GRM1: variants seen among roughly 807,000 people sequenced by gnomAD.
GRM1 encodes metabotropic glutamate receptor 1.
In GRM1, 33 loss-of-function variants were observed where a neutral mutation model predicts 90.9. That is an observed-to-expected ratio of 0.36 (90% CI 0.28 to 0.49). GRM1 has a LOEUF of 0.49. Ranked by LOEUF, GRM1 falls within the 20% of genes least tolerant of loss-of-function variation. The probability of loss-of-function intolerance (pLI) is 0.99; values close to 1 mark genes in which losing one functional copy is unlikely to be tolerated. For missense variants in GRM1, 1,190 were observed against 1,534.3 expected, an observed-to-expected ratio of 0.78 and a Z score of 3.75; for synonymous variants, 700 against 613.2, an observed-to-expected ratio of 1.14 and a Z score of -2.09.
intron 2 of GRM1, among the ~76,000 whole-genome samples, chr6:146,165,976 C>T (rs565145604): frequency 6.6e-6 from 1 of 152,144 alleles, no homozygotes; most frequent in South Asian, 2.1e-4. Context: ...ATGGTCTTTA[C>T]CTGCCTTTAG....
At chr6:146,422,447 AT>A (rs1469057000) in intron 7 of GRM1, among the ~76,000 whole-genome samples, 1 of 152,136 alleles carries the variant, frequency 6.6e-6, no homozygotes, top group Non-Finnish European at 1.5e-5. Flanking sequence ...CTGTGTCTTT[AT>A]TTTTCCATCC....
In GRM1 at chr6:146,301,481, A is replaced by C. The variant is rs569313446; in HGVS notation, c.951-3130A>C. Among the ~76,000 whole-genome samples the C allele has an allele frequency of 2.0e-5, 3 of 152,340 alleles. No homozygotes were observed. In the South Asian group the frequency reaches 6.2e-4, roughly 32 times the overall value. On this transcript the variant is annotated intron_variant, in intron 2 of 7. Coordinates refer to ENST00000282753, the MANE Select transcript of GRM1 (RefSeq NM_001278064.2). ...AAGCTGTCATGTGCTTTTAAATTGC[A>C]CATGAACATCACAGCAAGTTCATTT...
chr6:146,421,994 A>T (rs1778012142), intron 7 of GRM1, among the ~76,000 whole-genome samples: 1 of 152,200 alleles, frequency 6.6e-6, no homozygotes, highest in Admixed American at 6.5e-5. Context: ...AACAACATAA[A>T]ATAGACTGTA....
intron 1 of GRM1, among the ~76,000 whole-genome samples, chr6:146,121,508 A>G (rs1775988860): frequency 1.3e-5 from 2 of 151,880 alleles, no homozygotes; most frequent in African/African-American, 4.8e-5. Context: ...TTGCTTCTCT[A>G]GTTCTTTAAT....
rs151144612 is a variant in GRM1, at chr6:146,322,506, C to T, written c.1186+17660C>T. ...AAGCTGGACCCACAAGCTCCCCTTCCCTGAGGTGCTCTGTCCCAGGGAGAT... is the reference window on the plus strand; with the variant it reads ...AAGCTGGACCCACAAGCTCCCCTTCTCTGAGGTGCTCTGTCCCAGGGAGAT... On this transcript the variant is annotated intron_variant, in intron 3 of 7. Coordinates refer to ENST00000282753, the MANE Select transcript of GRM1 (RefSeq NM_001278064.2). Among the ~76,000 whole-genome samples the T allele has an allele frequency of 3.7e-3, 563 of 152,302 alleles. 3 individuals are homozygous for T. Among genetic ancestry groups the T allele is most frequent in the Non-Finnish European group, 5.5e-3 (375 of 68,030 alleles).
intron 2 of GRM1, among the ~76,000 whole-genome samples, chr6:146,301,928 A>G (rs1479989674): frequency 1.3e-5 from 2 of 152,156 alleles, no homozygotes; most frequent in African/African-American, 2.4e-5. Context: ...AACAATAGGC[A>G]GGTCATTTAC....
intron 2 of GRM1, among the ~76,000 whole-genome samples, chr6:146,180,816 A>C (rs562068783): frequency 6.6e-6 from 1 of 152,196 alleles, no homozygotes; most frequent in Non-Finnish European, 1.5e-5. Flanking sequence ...AAAATGTTCT[A>C]ATAAAATAGT....
chr6:146,156,670 C>T (rs1777539020), intron 1 of GRM1, among the ~76,000 whole-genome samples: 1 of 152,182 alleles, frequency 6.6e-6, no homozygotes, highest in African/African-American at 2.4e-5. Context: ...TTCTCTTCCT[C>T]AATAAATTAC....
intron 5 of GRM1, among the ~76,000 whole-genome samples, chr6:146,362,689 C>T: frequency 7.6e-6 from 1 of 131,222 alleles, no homozygotes; most frequent in African/African-American, 2.8e-5. Flanking sequence ...AAAAAAAAGA[C>T]ATTTCATCTG....
intron 1 of GRM1, among the ~76,000 whole-genome samples, chr6:146,092,025 A>C (rs1344160168): frequency 2.6e-5 from 4 of 152,116 alleles, no homozygotes; most frequent in African/African-American, 9.7e-5. Flanking sequence ...TTTCAAAGAC[A>C]TGCTTCACTT....
At position 146,352,332 on chromosome 6, in the gene GRM1, G is replaced by T; in HGVS notation, c.1269G>T (p.Gly423=). The T allele has an allele frequency of 6.2e-7, 1 of 1,613,972 alleles. No homozygotes were observed. The highest frequency in any genetic ancestry group is 1.1e-5 in the South Asian group (1 of 91,084). The part of the protein sequence containing the change: ...VINAIYAMAH[G]LQNMHHALCP... ...ATGCCATCTATGCCATGGCACATGGGCTGCAGAACATGCACCATGCCCTCT... is the reference window on the plus strand; with the variant it reads ...ATGCCATCTATGCCATGGCACATGGTCTGCAGAACATGCACCATGCCCTCT... Residue 423 remains glycine (G), a synonymous_variant, in exon 4 of 8, where the codon GGG becomes GGT. Coordinates refer to ENST00000282753, the MANE Select transcript of GRM1 (RefSeq NM_001278064.2).
intron 2 of GRM1, among the ~76,000 whole-genome samples, chr6:146,220,993 A>G (rs1320773635): frequency 2.0e-5 from 3 of 151,918 alleles, no homozygotes; most frequent in Admixed American, 6.6e-5. Flanking sequence ...AGAGGTGAGA[A>G]GGGGCTACAT....
At chr6:146,226,397 A>T (rs1780240204) in intron 2 of GRM1, among the ~76,000 whole-genome samples, 2 of 152,238 alleles carry the variant, frequency 1.3e-5, no homozygotes, top group South Asian at 4.1e-4. Context: ...TGCCTTTTGG[A>T]GTGACTGTAA....
At chr6:146,326,616 GAATA>G (rs1249480218) in intron 3 of GRM1, among the ~76,000 whole-genome samples, 2 of 151,994 alleles carry the variant, frequency 1.3e-5, no homozygotes, top group South Asian at 2.1e-4. Flanking sequence ...AAAGTGATAT[GAATA>G]AATAATAGTA....
intron 1 of GRM1, among the ~76,000 whole-genome samples, chr6:146,069,729 C>A (rs1454428068): frequency 6.6e-6 from 1 of 152,172 alleles, no homozygotes; most frequent in Non-Finnish European, 1.5e-5. Flanking sequence ...GTTATGAAAA[C>A]TACTGGAAAG....
intron 1 of GRM1, among the ~76,000 whole-genome samples, chr6:146,130,415 G>T (rs1410974418): frequency 6.6e-6 from 1 of 152,054 alleles, no homozygotes; most frequent in Non-Finnish European, 1.5e-5. Flanking sequence ...ATGTTAGATA[G>T]TTAAGAGAAA....
intron 2 of GRM1, among the ~76,000 whole-genome samples, chr6:146,280,606 C>T (rs1274425851): frequency 6.6e-6 from 1 of 152,032 alleles, no homozygotes; most frequent in Non-Finnish European, 1.5e-5. Context: ...CTTATTTTTA[C>T]TCATTACTTC....
intron 2 of GRM1, among the ~76,000 whole-genome samples, chr6:146,241,194 G>A (rs1780846190): frequency 6.6e-6 from 1 of 152,080 alleles, no homozygotes; most frequent in African/African-American, 2.4e-5. Flanking sequence ...CATTCTTATG[G>A]AGGAAAGATA....
chr6:146,037,305 T>C (rs1245475800), intron 1 of GRM1, among the ~76,000 whole-genome samples: 1 of 151,960 alleles, frequency 6.6e-6, no homozygotes, highest in Non-Finnish European at 1.5e-5. Context: ...AAATTCATGA[T>C]TAAGATAAAG....
Sources: allele counts gnomAD v4.1 joint callset (sites outside exome capture counted in the v4.1 genomes callset), GRCh38; gene constraint gnomAD v4.1.1; transcripts MANE v1.5; gene names NCBI Gene and HGNC (gene_info 2026-07-23, HGNC 2026-07-21).